The following VGLL4 variants were observed in gnomAD, a reference collection of about 807,000 sequenced individuals.
VGLL4 encodes transcription cofactor vestigial-like protein 4.
In VGLL4, 7 loss-of-function variants were observed where a neutral mutation model predicts 21.0. The observed-to-expected ratio is 0.33, with a 90% CI of 0.19 to 0.63. The LOEUF (loss-of-function observed/expected upper bound fraction) is 0.63. Ranked by LOEUF, VGLL4 falls within the 20% of genes least tolerant of loss-of-function variation. VGLL4 has a pLI of 0.78. For synonymous variants in VGLL4, 222 were observed against 173.2 expected (o/e 1.28, Z -2.21); for missense variants, 394 against 425.7 (o/e 0.93, Z 0.66).
chr3:11,617,241 G>A (rs1297917669), intron 1 of VGLL4, among the ~76,000 whole-genome samples: 5 of 152,164 alleles, frequency 3.3e-5, no homozygotes, highest in Non-Finnish European at 5.9e-5. Context: ...ATGAGGCAAG[G>A]CAGAGAGCAG....
chr3:11,657,264 C>T (rs1330271482), intron 2 of VGLL4, among the ~76,000 whole-genome samples: 1 of 152,130 alleles, frequency 6.6e-6, no homozygotes, highest in Admixed American at 6.5e-5. Context: ...CCCCACCCAA[C>T]CACAGGCCGC....
chr3:11,699,320 C>A (rs2076647845), intron 2 of VGLL4, among the ~76,000 whole-genome samples: 1 of 152,190 alleles, frequency 6.6e-6, no homozygotes, highest in Non-Finnish European at 1.5e-5. Context: ...TCGAGCTCAG[C>A]ATACTTGAGA....
rs553148800 is a variant in VGLL4 at position 11,619,483 on chromosome 3, T to C, written c.83-17461A>G. ...GTGCAGAATTACATGTTAACAGTTT[T>C]TCCTTATGCCCTAGGGTGTGTAATG... On this transcript the variant is annotated intron_variant, in intron 1 of 4. Coordinates refer to ENST00000430365, the MANE Select transcript of VGLL4 (RefSeq NM_001128219.3). 3.3e-5 allele frequency among the ~76,000 whole-genome samples: 5 copies of C among 152,340 alleles called. No homozygotes were observed. In the South Asian group the frequency reaches 1.0e-3, roughly 32 times the overall value.
chr3:11,587,998 G>A (rs138150929), intron 2 of VGLL4, among the ~76,000 whole-genome samples: 101 of 152,318 alleles, frequency 6.6e-4, no homozygotes, highest in African/African-American at 2.0e-3. Flanking sequence ...AAAGGAGAGC[G>A]GTGGCGCTCT....
upstream of VGLL4, among the ~76,000 whole-genome samples, chr3:11,646,556 G>GAA (rs78117287): frequency 1.5e-5 from 2 of 133,664 alleles, no homozygotes; most frequent in Admixed American, 7.5e-5. Flanking sequence ...ATCTAGGGAG[G>GAA]AAAAAAAAAA....
chr3:11,581,336 A>C (rs2074219022), intron 2 of VGLL4, among the ~76,000 whole-genome samples: 1 of 152,102 alleles, frequency 6.6e-6, no homozygotes, highest in African/African-American at 2.4e-5. Context: ...TGAAGTTCTG[A>C]GATTACAGAC....
intron 1 of VGLL4, among the ~76,000 whole-genome samples, chr3:11,625,289 C>G (rs2075331171): frequency 6.6e-6 from 1 of 152,164 alleles, no homozygotes; most frequent in African/African-American, 2.4e-5. Context: ...AGTAGGCCTC[C>G]TAAATAGGAT....
At chr3:11,660,920 A>G (rs2076028005) in intron 2 of VGLL4, among the ~76,000 whole-genome samples, 1 of 152,194 alleles carries the variant, frequency 6.6e-6, no homozygotes, top group Admixed American at 6.5e-5. Flanking sequence ...CTTGTTTCCA[A>G]TAGATTGAGA....
chr3:11,647,699 G>A (rs903492262), upstream of VGLL4, among the ~76,000 whole-genome samples: 21 of 152,118 alleles, frequency 1.4e-4, no homozygotes, highest in African/African-American at 4.8e-4. Flanking sequence ...TCCTAGCCTA[G>A]ATCTTCGGAG....
chr3:11,673,075 C>G (rs939931148), intron 2 of VGLL4, among the ~76,000 whole-genome samples: 5 of 152,106 alleles, frequency 3.3e-5, no homozygotes, highest in African/African-American at 1.2e-4. Context: ...CATTGGGGCT[C>G]AGAATATAAG....
At chr3:11,587,432 A>C (rs575865876) in intron 2 of VGLL4, among the ~76,000 whole-genome samples, 29 of 152,262 alleles carry the variant, frequency 1.9e-4, no homozygotes, top group Non-Finnish European at 3.7e-4. Flanking sequence ...GGCCTAAGAC[A>C]AAATGATGTG....
At chr3:11,695,455 AC>A (rs995727488) in intron 2 of VGLL4, among the ~76,000 whole-genome samples, 1 of 152,182 alleles carries the variant, frequency 6.6e-6, no homozygotes, top group African/African-American at 2.4e-5. Context: ...AACTATATAT[AC>A]ATACCTATGT....
rs977995692 is a variant in VGLL4 at position 11,719,428 on chromosome 3, T to C, written c.-14+966A>G. 4 of 151,434 alleles carry C rather than the reference T, an allele frequency of 2.6e-5. No individual in the cohort carries two copies. Among genetic ancestry groups the C allele is most frequent in the Admixed American group, 2.6e-4 (4 of 15,230 alleles). The allele number at this position is 151,434 out of a possible 1,614,324, so 9.4% of individuals were successfully genotyped here. A position where few individuals can be genotyped will look rare whatever the true frequency, so the allele number is the denominator to read the frequency against. On this transcript the variant is annotated intron_variant, in intron 1 of 5. Transcript: ENST00000273038. The surrounding 1 kb of genome is among the most constrained non-coding windows in gnomAD (Gnocchi z 4.0). The stretch of plus-strand genomic sequence containing the variant: ...TCAACCGCACTCACCGCCCGGCGGC[T>C]CTGGGCGCGCCCGCCTGGGGCCGGC...
At chr3:11,603,997 C>A (rs1362265619) in intron 1 of VGLL4, among the ~76,000 whole-genome samples, 1 of 152,174 alleles carries the variant, frequency 6.6e-6, no homozygotes, top group African/African-American at 2.4e-5. Flanking sequence ...GTTCATCCAA[C>A]GGATGCAGTG....
intron 1 of VGLL4, among the ~76,000 whole-genome samples, chr3:11,715,106 G>T (rs1202946507): frequency 6.7e-6 from 1 of 149,668 alleles, no homozygotes; most frequent in African/African-American, 2.5e-5. Context: ...CTGCACTCCA[G>T]CCTGGGTGAC....
chr3:11,590,607 A>G (rs1159515705), intron 2 of VGLL4, among the ~76,000 whole-genome samples: 2 of 152,156 alleles, frequency 1.3e-5, no homozygotes, highest in African/African-American at 4.8e-5. Context: ...TTACTGCAAC[A>G]TTAAGCCCTC....
intron 2 of VGLL4, among the ~76,000 whole-genome samples, chr3:11,592,634 A>G (rs1221651892): frequency 6.6e-6 from 1 of 152,176 alleles, no homozygotes; most frequent in East Asian, 1.9e-4. Flanking sequence ...GTATCGAATG[A>G]TTCATCGCAG....
At chr3:11,617,605 G>A (rs1489144490) in intron 1 of VGLL4, among the ~76,000 whole-genome samples, 1 of 152,226 alleles carries the variant, frequency 6.6e-6, no homozygotes, top group East Asian at 1.9e-4. Flanking sequence ...AGATCAGAGA[G>A]CTGGTATTCC....
intron 2 of VGLL4, among the ~76,000 whole-genome samples, chr3:11,567,782 A>G (rs112635230): frequency 2.9e-4 from 44 of 152,322 alleles, no homozygotes; most frequent in African/African-American, 8.2e-4. Context: ...CAGTGTCACC[A>G]CACATCCTCA....
Sources: allele counts gnomAD v4.1 joint callset (sites outside exome capture counted in the v4.1 genomes callset), GRCh38; gene constraint gnomAD v4.1.1; non-coding constraint Gnocchi (gnomAD v3.1); transcripts MANE v1.5; gene names NCBI Gene and HGNC (gene_info 2026-07-23, HGNC 2026-07-21).